HSF1: variants seen among roughly 807,000 people sequenced by gnomAD.
HSF1 encodes the protein heat shock factor protein 1.
Under a neutral mutation model 51.7 loss-of-function variants are expected in HSF1, and 32 were observed. The observed-to-expected ratio is 0.62, with a 90% CI of 0.47 to 0.83. The LOEUF is 0.83. HSF1 is among the 40% of genes least tolerant of loss of function. The pLI is 0.00. For synonymous variants in HSF1, 396 were observed against 309.7 expected (o/e 1.28, Z -2.92); for missense variants, 727 against 717.0 (o/e 1.01, Z -0.16).
rs1554845177 is a variant in HSF1, at chr8:144,312,601, G to A, written c.1142+357G>A. ...CACACCCCCAGCCCCTGCCTGCAAT[G>A]GGGGCTCTTGTTTTTGTATCTTGCA... On this transcript the variant is annotated intron_variant, in intron 9 of 12. Transcript: ENST00000528838. The A allele has an allele frequency of 2.6e-6, 4 of 1,523,900 alleles. No homozygotes were observed. The African/African-American group carries it at 4.1e-5, about 16-fold the overall frequency. The allele number at this position is 1,523,900 out of a possible 1,614,324, so 94.4% of individuals were successfully genotyped here.
Position 144,313,919 on chromosome 8 carries a change from G to C in HSF1, c.1314+8G>C. The C allele has an allele frequency of 6.2e-7, 1 of 1,609,826 alleles. No individual in the cohort carries two copies. Among genetic ancestry groups the C allele is most frequent in the African/African-American group, 1.4e-5 (1 of 73,942 alleles). ...GACAGCAGCCTGGCCAGTGTGCGTAGGCGGGCGGGGGGTGAGGGGGAACGA... is the reference window on the plus strand; with the variant it reads ...GACAGCAGCCTGGCCAGTGTGCGTACGCGGGCGGGGGGTGAGGGGGAACGA... On this transcript the variant is annotated splice_region_variant and intron_variant, in intron 11 of 12. Transcript: ENST00000528838.
intron 1 of HSF1, among the ~76,000 whole-genome samples, chr8:144,306,713 TC>T (rs1184336044): frequency 6.6e-6 from 1 of 152,152 alleles, no homozygotes; most frequent in Non-Finnish European, 1.5e-5. Context: ...GAGCTCGGAC[TC>T]CCCCACCTCC....
At chr8:144,294,138 T>C (rs1278038695) in intron 1 of HSF1, among the ~76,000 whole-genome samples, 1 of 152,042 alleles carries the variant, frequency 6.6e-6, no homozygotes, top group Admixed American at 6.6e-5. Flanking sequence ...GACGTAGCAC[T>C]GGGGGCGAGC....
At chr8:144,310,721 CCT>C (rs1230278562) in intron 4 of HSF1, 12 of 196,460 alleles carry the variant, frequency 6.1e-5, no homozygotes, top group Non-Finnish European at 1.2e-4. Context: ...CTTCCCCACC[CCT>C]GAGCCACCTC....
chr8:144,303,018 C>T (rs1815998695), intron 1 of HSF1, among the ~76,000 whole-genome samples: 1 of 152,054 alleles, frequency 6.6e-6, no homozygotes, highest in Non-Finnish European at 1.5e-5. Context: ...ACCCGTGCTG[C>T]TGAGAACACA....
chr8:144,295,955 C>T lies in HSF1; in HGVS notation c.117+4081C>T, dbSNP rs574472459. Among the ~76,000 whole-genome samples, 104 of 152,304 alleles carry T rather than the reference C, an allele frequency of 6.8e-4. 2 individuals carry two copies. In the South Asian group the frequency reaches 0.021, roughly 31 times the overall value. ...GGGCTCCTGGATGCTTCTCTGTCTT[C>T]ACCTGGCCCCAGCCTCATGGGTGCA... On this transcript the variant is annotated intron_variant, in intron 1 of 12. Transcript: ENST00000528838.
At chr8:144,303,217 G>A (rs911755169) in intron 1 of HSF1, among the ~76,000 whole-genome samples, 3 of 151,974 alleles carry the variant, frequency 2.0e-5, no homozygotes, top group South Asian at 2.1e-4. Flanking sequence ...TGTTGCAGGC[G>A]TGTTTGGGGT....
rs1554841537 is a variant in HSF1 at position 144,297,686 on chromosome 8, C to CTT, written c.117+5812_117+5813insTT. On this transcript the variant is annotated intron_variant, in intron 1 of 12. Transcript: ENST00000528838. The surrounding 1 kb of genome is among the most constrained non-coding windows in gnomAD (Gnocchi z 4.6). ...ACACGCGCTCCCTTTGCTCCTAAAG[C>CTT]CTATACTCCCGGGACCCGGAGAGGG... 7.2e-5 allele frequency among the ~76,000 whole-genome samples: 11 copies of CTT among 152,194 alleles called. No homozygotes were observed. Among genetic ancestry groups the CTT allele is most frequent in the Non-Finnish European group, 1.2e-4 (8 of 68,038 alleles).
chr8:144,298,934 C>T (rs1815667282), intron 1 of HSF1, among the ~76,000 whole-genome samples: 1 of 152,214 alleles, frequency 6.6e-6, no homozygotes, highest in South Asian at 2.1e-4. Context: ...ATGAGCAGGA[C>T]TCACACAGGG....
In HSF1 at chr8:144,309,762, G is replaced by A. The variant is rs2130428164; in HGVS notation, c.364-10G>A. 3 of 1,612,800 alleles carry A rather than the reference G, an allele frequency of 1.9e-6. No individual in the cohort carries two copies. The highest frequency in any genetic ancestry group is 2.5e-6 in the Non-Finnish European group (3 of 1,179,518). On this transcript the variant is annotated splice_polypyrimidine_tract_variant and intron_variant, in intron 3 of 12. Coordinates refer to ENST00000528838, the MANE Select transcript of HSF1 (RefSeq NM_005526.4). ...TGCTCCAGTGACTCCTGTCCCTCTC[G>A]GGAATCCAGGTGTCCACCCTGAAGA...
At chr8:144,301,604 C>T (rs993559682) in intron 1 of HSF1, among the ~76,000 whole-genome samples, 10 of 151,616 alleles carry the variant, frequency 6.6e-5, no homozygotes, top group South Asian at 6.3e-4. Context: ...CGGTGGCTCA[C>T]GCCTGTAATC....
intron 1 of HSF1, among the ~76,000 whole-genome samples, chr8:144,304,320 A>G (rs781985832): frequency 9.2e-5 from 14 of 152,248 alleles, no homozygotes; most frequent in Non-Finnish European, 1.8e-4. Context: ...CGTTTAGGAC[A>G]GTTTTGAGAC....
intron 1 of HSF1, among the ~76,000 whole-genome samples, chr8:144,302,039 G>A (rs1815923850): frequency 6.6e-6 from 1 of 151,424 alleles, no homozygotes; most frequent in Admixed American, 6.6e-5. Flanking sequence ...GGTGGCAGGT[G>A]CCTGTAATCC....
intron 1 of HSF1, among the ~76,000 whole-genome samples, chr8:144,303,975 G>A (rs1391100551): frequency 3.9e-5 from 6 of 152,214 alleles, no homozygotes; most frequent in Admixed American, 1.3e-4. Flanking sequence ...CTGCTGTGGC[G>A]GGGGTAGTCT....
At chr8:144,292,953 T>TAAGAAAAAA (rs35436041) in intron 1 of HSF1, among the ~76,000 whole-genome samples, 14 of 150,710 alleles carry the variant, frequency 9.3e-5, no homozygotes, top group African/African-American at 3.4e-4. Context: ...AGACCCTGTC[T>TAAGAAAAAA]AAGAAAAAAA....
rs1564614888 is a variant in HSF1 at position 144,301,894 on chromosome 8, G to GGA, written c.118-7012_118-7011insGA. 6.1e-4 allele frequency among the ~76,000 whole-genome samples: 92 copies of GGA among 151,652 alleles called. 6 individuals are homozygous for GGA. In the South Asian group the frequency reaches 0.012, roughly 20 times the overall value. ...AAAATAAAAAGCATCCAGAAGAGCC[G>GGA]TGCACGGTGGTGGTGCCTGTGGTGC... On this transcript the variant is annotated intron_variant, in intron 1 of 12. Transcript: ENST00000528838.
chr8:144,304,631 T>C (rs1233089608), intron 1 of HSF1, among the ~76,000 whole-genome samples: 4 of 152,020 alleles, frequency 2.6e-5, no homozygotes, highest in Non-Finnish European at 5.9e-5. Flanking sequence ...TTTTATTTTA[T>C]TTGTTTTGGT....
At chr8:144,307,585 C>A (rs184730522) in intron 1 of HSF1, among the ~76,000 whole-genome samples, 67 of 152,280 alleles carry the variant, frequency 4.4e-4, no homozygotes, top group Non-Finnish European at 7.9e-4. Context: ...CCTAAAAATA[C>A]AGAAATGAGC....
intron 1 of HSF1, among the ~76,000 whole-genome samples, chr8:144,296,633 C>T (rs933712341): frequency 1.3e-5 from 2 of 151,970 alleles, no homozygotes; most frequent in African/African-American, 4.8e-5. Flanking sequence ...GGTGAAACCC[C>T]GTCTATATTA....
Sources: allele counts gnomAD v4.1 joint callset (sites outside exome capture counted in the v4.1 genomes callset), GRCh38; gene constraint gnomAD v4.1.1; non-coding constraint Gnocchi (gnomAD v3.1); transcripts MANE v1.5; gene names NCBI Gene and HGNC (gene_info 2026-07-23, HGNC 2026-07-21).